The following SMC2 variants were observed in gnomAD, a reference collection of about 807,000 sequenced individuals.
SMC2 encodes the protein structural maintenance of chromosomes 2.
Under a neutral mutation model 142.6 loss-of-function variants are expected in SMC2, and 41 were observed. The ratio of observed to expected loss-of-function variants is 0.29; its 90% CI spans 0.22 to 0.37. The LOEUF (loss-of-function observed/expected upper bound fraction) is 0.37. Ranked by LOEUF, SMC2 falls within the 10% of genes least tolerant of loss-of-function variation. The pLI, the probability that SMC2 is intolerant of heterozygous loss-of-function variation, is 1.00. For synonymous variants in SMC2, 463 were observed against 457.5 expected, an observed-to-expected ratio of 1.01 and a Z score of -0.15; for missense variants, 1,265 against 1,373.7, an observed-to-expected ratio of 0.92 and a Z score of 1.25.
intron 16 of SMC2, among the ~76,000 whole-genome samples, chr9:104,120,928 A>G (rs1016758068): frequency 1.3e-5 from 2 of 152,182 alleles, no homozygotes; most frequent in African/African-American, 4.8e-5. Context: ...GATGATAAAG[A>G]AAGATAAATT....
chr9:104,110,449 A>G (rs1832300561), intron 9 of SMC2, among the ~76,000 whole-genome samples: 1 of 151,346 alleles, frequency 6.6e-6, no homozygotes, highest in Admixed American at 6.5e-5. Flanking sequence ...AATGTAGCAT[A>G]CAAAATATGA....
At chr9:104,137,387 A>G (rs926062967) in intron 23 of SMC2, among the ~76,000 whole-genome samples, 2 of 152,182 alleles carry the variant, frequency 1.3e-5, no homozygotes, top group African/African-American at 4.8e-5. Flanking sequence ...GTAAGCTAAA[A>G]GAGAACTGAA....
intron 9 of SMC2, among the ~76,000 whole-genome samples, chr9:104,111,089 A>G (rs762615013): frequency 3.3e-5 from 5 of 152,230 alleles, no homozygotes; most frequent in Admixed American, 6.5e-5. Context: ...TATCTTGCAT[A>G]GTGTCAGCTA....
chr9:104,114,159 T>A (rs893717656), intron 12 of SMC2, 78 bp downstream of exon 12: 1 of 914,462 alleles, frequency 1.1e-6, no homozygotes, highest in African/African-American at 1.8e-5. Context: ...GTGTGAAAAT[T>A]TTGTCGAAAC....
In SMC2 at chr9:104,129,859, T is replaced by A; in HGVS notation, c.2991+14T>A. The A allele has an allele frequency of 6.3e-7, 1 of 1,599,098 alleles. No individual in the cohort carries two copies. Among genetic ancestry groups the A allele is most frequent in the Admixed American group, 1.7e-5 (1 of 59,958 alleles). On this transcript the variant is annotated intron_variant, in intron 21 of 24. Transcript: ENST00000374793. ...GCTGAAGAGCGAGTAAGTCAATTTC[T>A]TATGAATATCTGGCCGCATTAGAAC...
At chr9:104,090,554 C>A (rs142349315), upstream of SMC2, among the ~76,000 whole-genome samples, 86 of 152,186 alleles carry the variant, frequency 5.7e-4, no homozygotes, top group East Asian at 0.015. Flanking sequence ...ATCAAAACTG[C>A]AGCCCTGCAA....
chr9:104,099,695 T>C lies in SMC2; in HGVS notation c.480+13T>C. The C allele has an allele frequency of 6.8e-7, 1 of 1,475,612 alleles. No homozygotes were observed. Among genetic ancestry groups the C allele is most frequent in the Non-Finnish European group, 9.5e-7 (1 of 1,057,788 alleles). 91.4% of individuals were successfully genotyped at this position (1,475,612 alleles called of 1,614,324 possible). ...GAAACCTCCAGAGGTAAGAGTACTA[T>C]TTATGGACATTAAAAATAGTTGGTA... is the stretch of plus-strand genomic sequence containing the variant. On this transcript the variant is annotated intron_variant, in intron 5 of 24. Transcript: ENST00000374793.
chr9:104,100,438 A>G lies in SMC2; in HGVS notation c.636+5A>G. The stretch of plus-strand genomic sequence containing the variant: ...ACCATTCAAAAATTAAAAGAGGTAT[A>G]TTCTGTATATGTGAGGATAATCTAT... On this transcript the variant is annotated splice_donor_5th_base_variant and intron_variant, in intron 7 of 24. Coordinates refer to ENST00000374793, the MANE Select transcript of SMC2 (RefSeq NM_006444.3). The G allele has an allele frequency of 1.4e-6, 2 of 1,469,998 alleles. No individual in the cohort carries two copies. The highest frequency in any genetic ancestry group is 2.3e-5 in the East Asian group (1 of 43,910). 91.1% of individuals were successfully genotyped at this position (1,469,998 alleles called of 1,614,324 possible). A position where few individuals can be genotyped will look rare whatever the true frequency, so the allele number is the denominator to read the frequency against.
rs748183229 is a variant in SMC2 at position 104,129,816 on chromosome 9, A to G, written c.2962A>G (p.Met988Val). The G allele has an allele frequency of 3.1e-5, 50 of 1,613,686 alleles. 1 individual carries two copies. The East Asian group carries it at 9.8e-4, about 32-fold the overall frequency. Residue 988 changes from methionine to valine, a missense_variant, in exon 21 of 25, where the codon ATG becomes GTG. Met to Val is a conservative substitution (Grantham distance 21). Around this residue, in one of 4 missense-constraint regions of SMC2, gnomAD observed 192 missense variants for 261.9 expected, o/e 0.73. Coordinates refer to ENST00000374793, the MANE Select transcript of SMC2 (RefSeq NM_006444.3). ...KLGRNVNMRA[M>V]NVLTEAEERY... Reference sequence around the variant, plus strand: ...AGGAAGAAATGTCAATATGAGAGCTATGAATGTATTGACAGAAGCTGAAGA... The same window carrying G: ...AGGAAGAAATGTCAATATGAGAGCTGTGAATGTATTGACAGAAGCTGAAGA...
chr9:104,105,300 G>A (rs1288920660), intron 9 of SMC2, among the ~76,000 whole-genome samples: 3 of 152,120 alleles, frequency 2.0e-5, no homozygotes. Context: ...GCATCCCCCA[G>A]CATGCCCAAC....
At chr9:104,110,001 T>C (rs1832245288) in intron 9 of SMC2, among the ~76,000 whole-genome samples, 1 of 152,210 alleles carries the variant, frequency 6.6e-6, no homozygotes, top group African/African-American at 2.4e-5. Flanking sequence ...TGTAGCCACC[T>C]CCTGTTGCTA....
intron 4 of SMC2, 29 bp downstream of exon 4, chr9:104,098,597 T>G (rs1188102347): frequency 6.4e-7 from 1 of 1,567,366 alleles, no homozygotes; most frequent in African/African-American, 1.4e-5. Flanking sequence ...TTATATCACT[T>G]TCGTAATAGT....
At chr9:104,133,665 G>A (rs1414363335) in intron 22 of SMC2, among the ~76,000 whole-genome samples, 2 of 152,046 alleles carry the variant, frequency 1.3e-5, no homozygotes, top group East Asian at 1.9e-4. Flanking sequence ...CATCAATCAA[G>A]TGCGTATGAA....
chr9:104,093,325 G>A (rs949538371), upstream of SMC2, among the ~76,000 whole-genome samples: 2 of 151,898 alleles, frequency 1.3e-5, no homozygotes, highest in Non-Finnish European at 2.9e-5. Flanking sequence ...ACTAATAATA[G>A]GATCGGCTAA....
rs752788677 is a variant in SMC2, at chr9:104,140,741, C to G, written c.*1426C>G. 6.6e-6 allele frequency: 1 copy of G among 152,512 alleles called. No homozygotes were observed. Among genetic ancestry groups the G allele is most frequent in the Non-Finnish European group, 1.5e-5 (1 of 68,004 alleles). The allele number at this position is 152,512 out of a possible 1,614,324, so 9.4% of individuals were successfully genotyped here. On this transcript the variant is annotated 3_prime_UTR_variant, in exon 25 of 25. Transcript: ENST00000374793. The stretch of plus-strand genomic sequence containing the variant: ...CAAATATAGTTTTTTTGTTTCCTTT[C>G]AAATGTATTACAGACTGTGCCAAAA...
At chr9:104,113,852 A>G (rs1832769568) in intron 11 of SMC2, 112 bp from the exon 12 acceptor site, 2 of 653,696 alleles carry the variant, frequency 3.1e-6, no homozygotes, top group East Asian at 5.6e-5. Context: ...TAATACTTAC[A>G]GAAATTTGTA....
chr9:104,096,490 AAGAC>A (rs1238210704), intron 3 of SMC2, among the ~76,000 whole-genome samples, 193 bp downstream of exon 3: 1 of 152,230 alleles, frequency 6.6e-6, no homozygotes, highest in African/African-American at 2.4e-5. Flanking sequence ...AGAGGATTGA[AAGAC>A]AGCTGAAAAG....
intron 14 of SMC2, among the ~76,000 whole-genome samples, chr9:104,116,699 G>A (rs1014354498): frequency 7.9e-5 from 12 of 152,092 alleles, no homozygotes; most frequent in African/African-American, 2.7e-4. Context: ...CACAGTCACA[G>A]CCATTATGGA....
In SMC2 at chr9:104,125,033, T is replaced by G; in HGVS notation, c.2379T>G (p.Asp793Glu). 1 of 1,606,376 alleles carries G rather than the reference T, an allele frequency of 6.2e-7. No homozygotes were observed. Among genetic ancestry groups the G allele is most frequent in the Non-Finnish European group, 8.5e-7 (1 of 1,178,354 alleles). The change falls in exon 18 of 25, where the codon GAT becomes GAG. Residue 793 changes from aspartate to glutamate, a missense_variant. Around this residue, in one of 4 missense-constraint regions of SMC2, gnomAD observed 898 missense variants for 904.2 expected, o/e 0.99. Transcript: ENST00000374793. ...CTGAAAGAGAGCGAGAACTGAAAGA[T>G]GCTCAGAAAAAACTGGATTGTGCCA... is the stretch of plus-strand genomic sequence containing the variant. ...AEAERERELK[D>E]AQKKLDCAKT...
Sources: gnomAD v4.1 joint callset for allele counts (sites outside exome capture counted in the v4.1 genomes callset) on GRCh38, gnomAD v4.1.1 for gene constraint, gnomAD v4.1.1 regional missense constraint, MANE v1.5 for transcripts, NCBI Gene and HGNC (gene_info 2026-07-23, HGNC 2026-07-21) for gene names.